ARMH3: variants seen among roughly 807,000 people sequenced by gnomAD.
The protein encoded by ARMH3 is armadillo like helical domain containing 3.
In ARMH3, 60 loss-of-function variants were observed where a neutral mutation model predicts 99.1. That is an observed-to-expected ratio of 0.61 (90% CI 0.49 to 0.75). The LOEUF is 0.75. ARMH3 is among the 30% of genes least tolerant of loss of function. The pLI, the probability that ARMH3 is intolerant of heterozygous loss-of-function variation, is 0.00. For missense variants in ARMH3, 679 were observed against 843.1 expected, an observed-to-expected ratio of 0.81 and a Z score of 2.41; for synonymous variants, 285 against 292.8, an observed-to-expected ratio of 0.97 and a Z score of 0.27.
chr10:101,875,840 T>C (rs773046640), intron 24 of ARMH3, among the ~76,000 whole-genome samples: 3 of 152,168 alleles, frequency 2.0e-5, no homozygotes, highest in Non-Finnish European at 4.4e-5. Context: ...GTGAAGCTTT[T>C]TTCTTTTTTT....
intron 2 of ARMH3, among the ~76,000 whole-genome samples, chr10:102,035,445 T>C (rs2067232026): frequency 6.6e-6 from 1 of 152,202 alleles, no homozygotes; most frequent in South Asian, 2.1e-4. Context: ...AGTCTCCCTC[T>C]GATGCCGAGC....
intron 23 of ARMH3, among the ~76,000 whole-genome samples, chr10:101,901,262 GT>G (rs1047882971): frequency 6.7e-6 from 1 of 148,994 alleles, no homozygotes; most frequent in African/African-American, 2.5e-5. Context: ...AGATGAGAGG[GT>G]GGGCCATATG....
intron 22 of ARMH3, among the ~76,000 whole-genome samples, chr10:101,944,193 C>T (rs2135735024): frequency 7.1e-6 from 1 of 140,764 alleles, no homozygotes; most frequent in East Asian, 2.0e-4. Flanking sequence ...GTGGCTAATG[C>T]CTATAATCTC....
At chr10:101,885,617 A>G (rs1167776685) in intron 24 of ARMH3, among the ~76,000 whole-genome samples, 1 of 152,202 alleles carries the variant, frequency 6.6e-6, no homozygotes, top group East Asian at 1.9e-4. Context: ...TCAGGGGCTC[A>G]GGGTAGGGGA....
chr10:101,984,229 G>C (rs762500405), intron 19 of ARMH3, among the ~76,000 whole-genome samples: 4 of 152,190 alleles, frequency 2.6e-5, no homozygotes, highest in Non-Finnish European at 5.9e-5. Context: ...GACATAAGTT[G>C]CAATATAAAT....
intron 8 of ARMH3, among the ~76,000 whole-genome samples, chr10:102,016,849 T>C (rs1190960990): frequency 1.3e-5 from 2 of 152,232 alleles, no homozygotes; most frequent in African/African-American, 4.8e-5. Flanking sequence ...GCAGGTACAC[T>C]TAACGTTTTC....
intron 1 of ARMH3, among the ~76,000 whole-genome samples, chr10:102,047,652 A>G (rs1171612965): frequency 6.6e-6 from 1 of 151,812 alleles, no homozygotes. Flanking sequence ...ACACCTGGCT[A>G]ATTTTTGCAT....
chr10:101,997,547 G>A (rs954786134), intron 15 of ARMH3, among the ~76,000 whole-genome samples: 5 of 150,940 alleles, frequency 3.3e-5, no homozygotes, highest in African/African-American at 1.2e-4. Flanking sequence ...AGCTGAGATC[G>A]TGCCACTGCA....
Position 102,028,689 on chromosome 10 carries a change from T to G in ARMH3, c.414+949A>C, listed in dbSNP as rs557531074. On this transcript the variant is annotated intron_variant, in intron 5 of 25. Transcript: ENST00000370033. ...ATTTATATGAGGTGTCCAGAACAGC[T>G]AAACCCATAGAGACATAAAGCAGAT... Among the ~76,000 whole-genome samples the G allele has an allele frequency of 2.6e-5, 4 of 152,296 alleles. No individual in the cohort carries two copies. The East Asian group carries it at 7.7e-4, about 29-fold the overall frequency.
intron 5 of ARMH3, among the ~76,000 whole-genome samples, chr10:102,027,803 ATATT>A (rs1260666615): frequency 2.0e-5 from 3 of 151,732 alleles, no homozygotes; most frequent in Admixed American, 2.0e-4. Context: ...TTATAATTAT[ATATT>A]AATAACTTTT....
intron 8 of ARMH3, among the ~76,000 whole-genome samples, chr10:102,018,673 C>G (rs938540818): frequency 1.3e-5 from 2 of 152,130 alleles, no homozygotes; most frequent in African/African-American, 4.8e-5. Flanking sequence ...ATACAATTAT[C>G]AGCCAGGCAC....
chr10:101,909,356 G>A (rs1409087741), intron 23 of ARMH3, among the ~76,000 whole-genome samples: 3 of 148,888 alleles, frequency 2.0e-5, no homozygotes, highest in Admixed American at 6.7e-5. Context: ...GTAGTAAGCC[G>A]AGATTGCACC....
rs543251287 is a variant in ARMH3 at position 101,960,201 on chromosome 10, A to C, written c.1496-2469T>G. Among the ~76,000 whole-genome samples, 3 of 152,232 alleles carry C rather than the reference A, an allele frequency of 2.0e-5. No homozygotes were observed. The South Asian group carries it at 6.2e-4, about 32-fold the overall frequency. Reference sequence around the variant, plus strand: ...TCCAAAAAAAAAAAGAACTATCTACAGGGAATTTAATAGGCAACTAAAATG... The same window carrying C: ...TCCAAAAAAAAAAAGAACTATCTACCGGGAATTTAATAGGCAACTAAAATG... On this transcript the variant is annotated intron_variant, in intron 20 of 25. Coordinates refer to ENST00000370033, the MANE Select transcript of ARMH3 (RefSeq NM_024541.3).
chr10:101,865,215 C>CAA (rs201839149), intron 24 of ARMH3, among the ~76,000 whole-genome samples: 121 of 108,316 alleles, frequency 1.1e-3, no homozygotes, highest in East Asian at 3.4e-3. Context: ...GACTATGTCT[C>CAA]AAAAAAAAAA....
At chr10:102,036,954 A>G (rs2067292465) in intron 2 of ARMH3, among the ~76,000 whole-genome samples, 1 of 151,544 alleles carries the variant, frequency 6.6e-6, no homozygotes, top group Admixed American at 6.6e-5. Context: ...TGGGAGGCTG[A>G]GGCAGGAGAA....
At chr10:101,902,864 C>A (rs1345960752) in intron 23 of ARMH3, among the ~76,000 whole-genome samples, 2 of 152,064 alleles carry the variant, frequency 1.3e-5, no homozygotes, top group Non-Finnish European at 2.9e-5. Context: ...AAACATTCAT[C>A]ATAATAGTGC....
intron 24 of ARMH3, among the ~76,000 whole-genome samples, chr10:101,860,103 A>C (rs968271318): frequency 6.6e-6 from 1 of 152,198 alleles, no homozygotes; most frequent in African/African-American, 2.4e-5. Context: ...AATATCAGAA[A>C]TGTTTTAGTA....
chr10:101,859,137 C>A (rs1315764561), intron 24 of ARMH3, among the ~76,000 whole-genome samples: 3 of 152,194 alleles, frequency 2.0e-5, no homozygotes, highest in East Asian at 3.8e-4. Context: ...AAGGTTGAGC[C>A]AGTAACACTA....
Position 101,993,634 on chromosome 10 carries a change from C to T in ARMH3, c.1210-31G>A, listed in dbSNP as rs998686347. ...AAAAATATAGAGAAAAAGTAAGAAG[C>T]GAGAGCTATATTTAAGAAACTGTAA... On this transcript the variant is annotated intron_variant, in intron 16 of 25. Coordinates refer to ENST00000370033, the MANE Select transcript of ARMH3 (RefSeq NM_024541.3). 3.5e-6 allele frequency: 5 copies of T among 1,431,070 alleles called. No homozygotes were observed. In the Admixed American group the frequency reaches 6.1e-5, roughly 17 times the overall value. 88.6% of individuals were successfully genotyped at this position (1,431,070 alleles called of 1,614,324 possible).
Sources: gnomAD v4.1 joint callset for allele counts (sites outside exome capture counted in the v4.1 genomes callset) on GRCh38, gnomAD v4.1.1 for gene constraint, MANE v1.5 for transcripts, NCBI Gene and HGNC (gene_info 2026-07-23, HGNC 2026-07-21) for gene names.